The following SULT2B1 variants were observed in gnomAD, a reference collection of about 807,000 sequenced individuals.
SULT2B1 encodes sulfotransferase 2B1.
A neutral mutation model predicts 33.2 loss-of-function variants in SULT2B1; 16 were observed. The ratio of observed to expected loss-of-function variants is 0.48; its 90% confidence interval spans 0.33 to 0.73. The LOEUF (loss-of-function observed/expected upper bound fraction) is 0.73, where lower values mean the gene tolerates loss of function less well. Ranked by LOEUF, SULT2B1 falls within the 30% of genes least tolerant of loss-of-function variation. The probability of loss-of-function intolerance (pLI) is 0.02; values close to 1 mark genes in which losing one functional copy is unlikely to be tolerated. For missense variants in SULT2B1, 500 were observed against 506.0 expected (o/e 0.99, Z 0.11); for synonymous variants, 186 against 200.5 (o/e 0.93, Z 0.61).
At chr19:48,576,359 C>CTTTTTTTTTTTTTT (rs1188887401) in intron 2 of SULT2B1, among the ~76,000 whole-genome samples, 4 of 96,716 alleles carry the variant, frequency 4.1e-5, no homozygotes, top group African/African-American at 1.7e-4. Flanking sequence ...CTCTACTTCT[C>CTTTTTTTTTTTTTT]TTTTTTTTTT....
chr19:48,596,418 ATGTGACCTCTGCCCCCCAC>A lies in SULT2B1; in HGVS notation c.646-304_646-286del, dbSNP rs1159873261. The A allele has an allele frequency of 1.3e-4, 17 of 134,870 alleles. 2 individuals carry two copies. The highest frequency in any genetic ancestry group is 5.7e-4 in the South Asian group (4 of 6,986). 8.4% of individuals were successfully genotyped at this position (134,870 alleles called of 1,614,324 possible). On this transcript the variant is annotated intron_variant, in intron 5 of 6. Transcript: ENST00000201586. The stretch of plus-strand genomic sequence containing the variant: ...GTGATGCACTGACCTCTGCCCCCGG[ATGTGACCTCTGCCCCCCAC>A]TGTGACCTCTGCCCCCGGCTGTGAC...
intron 1 of SULT2B1, among the ~76,000 whole-genome samples, chr19:48,573,816 C>T (rs1258833388): frequency 6.6e-6 from 1 of 152,098 alleles, no homozygotes; most frequent in Non-Finnish European, 1.5e-5. Context: ...ATGGAAGCTA[C>T]AGCGGAGCCC....
chr19:48,568,961 A>G (rs955481096), intron 1 of SULT2B1, among the ~76,000 whole-genome samples: 2 of 152,146 alleles, frequency 1.3e-5, no homozygotes, highest in Non-Finnish European at 2.9e-5. Context: ...CTTTGCTCAG[A>G]TGTCGAGTTC....
At chr19:48,596,990 C>A (rs994514830) in intron 6 of SULT2B1, 71 bp downstream of exon 6, 52 of 1,412,048 alleles carry the variant, frequency 3.7e-5, no homozygotes, top group Non-Finnish European at 4.7e-5. Context: ...AGTTACTTAA[C>A]CTCTCTGGGC....
In SULT2B1 at chr19:48,555,194, C is replaced by A. The variant is rs538687786; in HGVS notation, c.71+2871C>A. 2.0e-5 allele frequency among the ~76,000 whole-genome samples: 3 copies of A among 151,816 alleles called. No homozygotes were observed. The East Asian group carries it at 5.9e-4, about 30-fold the overall frequency. On this transcript the variant is annotated intron_variant, in intron 1 of 6. Transcript: ENST00000201586. ...ACAACCTCGGCCTCCCAGGTTCAAG[C>A]GATTCTCCTGCCTCAGCCTCCCAAG...
At position 48,596,838 on chromosome 19, in the gene SULT2B1, A is replaced by G; in HGVS notation, c.745A>G (p.Met249Val). ...SVVAHSTFSAMKANTMSNYTL... is the reference protein window; with the variant it reads ...SVVAHSTFSAVKANTMSNYTL... ...CGTGGCACACTCAACCTTCAGCGCC[A>G]TGAAGGCCAACACCATGTCCAACTA... Residue 249 changes from methionine (M) to valine (V), a missense_variant, in exon 6 of 7, where the codon ATG (methionine) becomes GTG (valine). Physicochemically the swap from Met to Val is conservative, Grantham distance 21 (BLOSUM62 1). Coordinates refer to ENST00000201586, the MANE Select transcript of SULT2B1 (RefSeq NM_177973.2). The G allele has an allele frequency of 6.2e-7, 1 of 1,609,832 alleles. No homozygotes were observed. The highest frequency in any genetic ancestry group is 8.5e-7 in the Non-Finnish European group (1 of 1,179,930).
At chr19:48,569,354 A>AG (rs751049803) in intron 1 of SULT2B1, among the ~76,000 whole-genome samples, 41,243 of 86,556 alleles carry the variant, frequency 0.48, 7,937 homozygotes, top group South Asian at 0.67. Context: ...AAAAAAAAAA[A>AG]AAAAAAAACA....
At chr19:48,561,218 T>G (rs537932545) in intron 1 of SULT2B1, among the ~76,000 whole-genome samples, 54 of 151,566 alleles carry the variant, frequency 3.6e-4, no homozygotes, top group Non-Finnish European at 6.8e-4. Flanking sequence ...TCACCTGAGG[T>G]GGGGAGTTCC....
chr19:48,574,350 C>G (rs1402369493), intron 1 of SULT2B1, among the ~76,000 whole-genome samples: 1 of 152,224 alleles, frequency 6.6e-6, no homozygotes, highest in African/African-American at 2.4e-5. Context: ...GGGCTCCACC[C>G]TGGCCTCTGG....
rs1163613849 is a variant in SULT2B1 at position 48,576,004 on chromosome 19, G to A, written c.135G>A (p.Ser45=). 1.2e-6 allele frequency: 2 copies of A among 1,613,816 alleles called. No individual in the cohort carries two copies. Among genetic ancestry groups the A allele is most frequent in the African/African-American group, 2.7e-5 (2 of 74,858 alleles). ...TCCCCTTCCCCGTCGGCCTGTACTC[G>A]CTCGAGAGCATCAGCTTGGCGGAGA... ...KGVPFPVGLY[S]LESISLAENT... Residue 45 remains serine, a synonymous_variant, in exon 2 of 7, where the codon TCG becomes TCA. Coordinates refer to ENST00000201586, the MANE Select transcript of SULT2B1 (RefSeq NM_177973.2).
chr19:48,587,091 A>G (rs10424655), intron 2 of SULT2B1, 138 bp from the exon 3 acceptor site: 94,063 of 636,364 alleles, frequency 0.15, 8,366 homozygotes, highest in African/African-American at 0.31. Flanking sequence ...CAGCGTGGGC[A>G]ACAGAGTAAG....
rs188537399 is a variant in SULT2B1 at position 48,554,173 on chromosome 19, T to C, written c.71+1850T>C. On this transcript the variant is annotated intron_variant, in intron 1 of 6. Coordinates refer to ENST00000201586, the MANE Select transcript of SULT2B1 (RefSeq NM_177973.2). ...GGGGGGTGCCCTTAGGACCTCAAAC[T>C]TCCAGGCACTTCTGGAATCCCCCAG... Among the ~76,000 whole-genome samples, 324 of 152,036 alleles carry C rather than the reference T, an allele frequency of 2.1e-3. 4 individuals carry two copies. Among genetic ancestry groups the C allele is most frequent in the African/African-American group, 7.4e-3 (308 of 41,462 alleles).
rs1182482384 is a variant in SULT2B1 at position 48,552,973 on chromosome 19, G to T, written c.71+650G>T. On this transcript the variant is annotated intron_variant, in intron 1 of 6. Transcript: ENST00000201586. The surrounding 1 kb of genome is among the most constrained non-coding windows in gnomAD (Gnocchi z 4.8). ...GGAAACTGAGGCTGGGAGGGAACGC[G>T]ACATGACCGCAATTACGCAGCTAGA... 6.6e-6 allele frequency among the ~76,000 whole-genome samples: 1 copy of T among 152,134 alleles called. No individual in the cohort carries two copies. The highest frequency in any genetic ancestry group is 6.6e-5 in the Admixed American group (1 of 15,258).
At chr19:48,567,930 G>A (rs1031642853) in intron 1 of SULT2B1, among the ~76,000 whole-genome samples, 1 of 151,648 alleles carries the variant, frequency 6.6e-6, no homozygotes, top group Admixed American at 6.6e-5. Flanking sequence ...AGCTGTGACC[G>A]CATCACTGCA....
At chr19:48,598,655 T>C in intron 6 of SULT2B1, among the ~76,000 whole-genome samples, 1 of 151,992 alleles carries the variant, frequency 6.6e-6, no homozygotes, top group East Asian at 1.9e-4. Context: ...ATCAGCAAAT[T>C]GTTTGCAAGC....
intron 4 of SULT2B1, 115 bp downstream of exon 4, chr19:48,591,850 A>C (rs1208521753): frequency 7.8e-7 from 1 of 1,277,486 alleles, no homozygotes; most frequent in Non-Finnish European, 1.0e-6. Context: ...ACAGGGCATC[A>C]AAAGGGGCAA....
chr19:48,564,915 C>T (rs1973226057), intron 1 of SULT2B1, among the ~76,000 whole-genome samples: 2 of 151,858 alleles, frequency 1.3e-5, no homozygotes, highest in Admixed American at 6.6e-5. Flanking sequence ...CTCAGCCTCC[C>T]GAGTAGCTGG....
chr19:48,571,186 A>AATTTATTT (rs745593519), intron 1 of SULT2B1, among the ~76,000 whole-genome samples: 21 of 144,676 alleles, frequency 1.5e-4, no homozygotes, highest in South Asian at 6.9e-4. Context: ...ATGCCTGGCT[A>AATTTATTT]ATTTATTTAT....
chr19:48,569,276 A>G (rs1025601632), intron 1 of SULT2B1, among the ~76,000 whole-genome samples: 4 of 149,482 alleles, frequency 2.7e-5, no homozygotes, highest in African/African-American at 9.8e-5. Flanking sequence ...CAGGAGGCGG[A>G]GCTTGCAGTG....
Sources: gnomAD v4.1 joint callset for allele counts (sites outside exome capture counted in the v4.1 genomes callset) on GRCh38, gnomAD v4.1.1 for gene constraint, Gnocchi (gnomAD v3.1) non-coding constraint, MANE v1.5 for transcripts, NCBI Gene and HGNC (gene_info 2026-07-23, HGNC 2026-07-21) for gene names.